Variants in PSMC6 observed in about 807,000 individuals in gnomAD.
The protein encoded by PSMC6 is 26S proteasome regulatory subunit 10B.
A neutral mutation model predicts 55.9 loss-of-function variants in PSMC6; 3 were observed. The observed-to-expected ratio is 0.05, with a 90% CI of 0.02 to 0.14. The LOEUF (loss-of-function observed/expected upper bound fraction) is 0.14. PSMC6 is among the 10% of genes least tolerant of loss of function. The probability of loss-of-function intolerance (pLI) is 1.00; values close to 1 mark genes in which losing one functional copy is unlikely to be tolerated. For missense variants in PSMC6, 210 were observed against 478.7 expected, an observed-to-expected ratio of 0.44 and a Z score of 5.24; for synonymous variants, 137 against 155.9, an observed-to-expected ratio of 0.88 and a Z score of 0.90.
At chr14:52,711,748 CT>C (rs775793564) in intron 6 of PSMC6, among the ~76,000 whole-genome samples, 3 of 152,002 alleles carry the variant, frequency 2.0e-5, no homozygotes, top group Non-Finnish European at 4.4e-5. Flanking sequence ...AAATCCTGCT[CT>C]TTTTGTGGCA....
At chr14:52,718,899 T>G in intron 9 of PSMC6, 78 bp from the exon 10 acceptor site, 1 of 1,081,396 alleles carries the variant, frequency 9.2e-7, no homozygotes, top group Admixed American at 2.0e-5. Flanking sequence ...AGCCACAGAC[T>G]GTTATGTTCT....
Position 52,715,859 on chromosome 14 carries a change from C to T in PSMC6, c.529+1891C>T, listed in dbSNP as rs1475832518. On this transcript the variant is annotated intron_variant, in intron 7 of 13. Transcript: ENST00000445930. ...CTTGAATTCCTGGGCTCAAGCAACC[C>T]GCCCACCTCAGCCTCCCAAAGTGCT... Among the ~76,000 whole-genome samples, 4 of 152,030 alleles carry T rather than the reference C, an allele frequency of 2.6e-5. 1 individual carries two copies. Among genetic ancestry groups the T allele is most frequent in the Admixed American group, 2.0e-4 (3 of 15,252 alleles).
In PSMC6 at chr14:52,717,889, G is replaced by A. The variant is rs542889777; in HGVS notation, c.530-192G>A. On this transcript the variant is annotated intron_variant, in intron 7 of 13. Coordinates refer to ENST00000445930, the MANE Select transcript of PSMC6 (RefSeq NM_002806.5). ...AGACAAACAAAAAACTTAGCTGTGC[G>A]TGATGGCACATGCCTGTCATCCCAG... 5.3e-5 allele frequency among the ~76,000 whole-genome samples: 8 copies of A among 152,074 alleles called. No homozygotes were observed. The South Asian group carries it at 1.2e-3, about 24-fold the overall frequency.
At position 52,727,860 on chromosome 14, in the gene PSMC6, C is replaced by T. The variant is rs1880484940; in HGVS notation, c.*243C>T. ...GTGTTGAAGCTTTTCATATTTGCTG[C>T]GTGAGCATTTTGTAAAATATTGAAA... is the stretch of plus-strand genomic sequence containing the variant. On this transcript the variant is annotated 3_prime_UTR_variant, in exon 14 of 14. Coordinates refer to ENST00000445930, the MANE Select transcript of PSMC6 (RefSeq NM_002806.5). 6 of 327,486 alleles carry T rather than the reference C, an allele frequency of 1.8e-5. No homozygotes were observed. The highest frequency in any genetic ancestry group is 5.8e-5 in the East Asian group (1 of 17,136). 20.3% of individuals were successfully genotyped at this position (327,486 alleles called of 1,614,324 possible). A position where few individuals can be genotyped will look rare whatever the true frequency, so the allele number is the denominator to read the frequency against.
At chr14:52,707,370 A>G (rs1329608627) in intron 1 of PSMC6, 66 bp downstream of exon 1, 2 of 1,597,242 alleles carry the variant, frequency 1.3e-6, no homozygotes, top group Admixed American at 3.5e-5. Flanking sequence ...ACAAAGCAGA[A>G]GCCTTTCGCC....
intron 7 of PSMC6, among the ~76,000 whole-genome samples, chr14:52,714,423 C>T (rs534375810): frequency 6.6e-6 from 1 of 152,190 alleles, no homozygotes. Context: ...GTCTACTGTT[C>T]TTTGAGGCAT....
intron 7 of PSMC6, 54 bp downstream of exon 7, chr14:52,714,022 A>G: frequency 1.6e-6 from 1 of 619,806 alleles, no homozygotes; most frequent in Non-Finnish European, 2.4e-6. Flanking sequence ...TTAAGGAATT[A>G]AAAAAAAAAA....
intron 13 of PSMC6, among the ~76,000 whole-genome samples, chr14:52,725,285 A>G (rs1880363855): frequency 6.6e-6 from 1 of 152,112 alleles, no homozygotes; most frequent in South Asian, 2.1e-4. Flanking sequence ...TTTTCCTTAC[A>G]TATTCTTACA....
At chr14:52,709,183 T>C in intron 4 of PSMC6, 1 of 198,218 alleles carries the variant, frequency 5.0e-6, no homozygotes, top group South Asian at 8.2e-5. Flanking sequence ...CTGTTACTTA[T>C]GGACTGTACC....
At chr14:52,727,384 C>G in intron 13 of PSMC6, 115 bp from the exon 14 acceptor site, 1 of 735,294 alleles carries the variant, frequency 1.4e-6, no homozygotes, top group East Asian at 3.0e-5. Context: ...ACTACTGGCT[C>G]AGAAGTAATA....
chr14:52,715,415 ATTAG>A (rs1004034595), intron 7 of PSMC6, among the ~76,000 whole-genome samples: 1 of 152,168 alleles, frequency 6.6e-6, no homozygotes, highest in African/African-American at 2.4e-5. Flanking sequence ...GTTATTGGTT[ATTAG>A]TTATTGATTA....
intron 6 of PSMC6, among the ~76,000 whole-genome samples, chr14:52,712,941 T>C (rs753347729): frequency 6.6e-6 from 1 of 151,984 alleles, no homozygotes; most frequent in South Asian, 2.1e-4. Context: ...CAATAGAAAT[T>C]TCTCTCTCGG....
At position 52,711,164 on chromosome 14, in the gene PSMC6, A is replaced by ATGAGG. The variant is rs1449468484; in HGVS notation, c.325_326+3dup. 1 of 1,613,026 alleles carries ATGAGG rather than the reference A, an allele frequency of 6.2e-7. No homozygotes were observed. The highest frequency in any genetic ancestry group is 1.7e-5 in the Admixed American group (1 of 59,992). On this transcript the variant is annotated frameshift_variant, in exon 5 of 14. Coordinates refer to ENST00000445930, the MANE Select transcript of PSMC6 (RefSeq NM_002806.5). LOFTEE classifies it high-confidence loss of function. Reference sequence around the variant, plus strand: ...TTTGGATATGACTACACTAACTATCATGAGGTGGGTTTCTTATTCTATTTA... The same window carrying ATGAGG: ...TTTGGATATGACTACACTAACTATCATGAGGTGAGGTGGGTTTCTTATTCTATTTA...
At chr14:52,709,222 AT>A (rs2041738332) in intron 4 of PSMC6, 1 of 192,626 alleles carries the variant, frequency 5.2e-6, no homozygotes, top group South Asian at 8.6e-5. Context: ...GTATGAGGTC[AT>A]TTAGATTAGG....
chr14:52,710,921 G>A (rs1223747360), intron 4 of PSMC6, 180 bp from the exon 5 acceptor site: 5 of 634,064 alleles, frequency 7.9e-6, no homozygotes, highest in Non-Finnish European at 1.4e-5. Flanking sequence ...AGGAGCAGGT[G>A]GAAATCACTT....
chr14:52,714,365 G>C (rs2041807152), intron 7 of PSMC6, among the ~76,000 whole-genome samples: 2 of 152,300 alleles, frequency 1.3e-5, no homozygotes, highest in South Asian at 2.1e-4. Context: ...GATGTGGGCA[G>C]TTCCAACTTC....
Position 52,724,614 on chromosome 14 carries a change from T to C in PSMC6, c.1051+578T>C, listed in dbSNP as rs113599745. ...AAAGATTGATTTATGAATTATGTGA[T>C]CATGCCATTTGTGTAAAATGTAGTA... On this transcript the variant is annotated intron_variant, in intron 13 of 13. Transcript: ENST00000445930. 4.3e-3 allele frequency among the ~76,000 whole-genome samples: 649 copies of C among 152,336 alleles called. 5 individuals carry two copies. Among genetic ancestry groups the C allele is most frequent in the African/African-American group, 0.015 (613 of 41,566 alleles).
At chr14:52,712,382 T>G (rs188422712) in intron 6 of PSMC6, among the ~76,000 whole-genome samples, 3 of 41,068 alleles carry the variant, frequency 7.3e-5, no homozygotes, top group African/African-American at 1.9e-4. Context: ...CTGGTCTAAG[T>G]GTAAAAAAAA....
chr14:52,719,873 T>G (rs1414179870), intron 10 of PSMC6, among the ~76,000 whole-genome samples: 1 of 152,174 alleles, frequency 6.6e-6, no homozygotes, highest in Non-Finnish European at 1.5e-5. Context: ...AAGAAAACTT[T>G]AGAAATTGAG....
Sources: gnomAD v4.1 joint callset for allele counts (sites outside exome capture counted in the v4.1 genomes callset) on GRCh38, gnomAD v4.1.1 for gene constraint, MANE v1.5 for transcripts, NCBI Gene and HGNC (gene_info 2026-07-23, HGNC 2026-07-21) for gene names.